ADGRD2: variants seen among roughly 807,000 people sequenced by gnomAD.
ADGRD2 encodes adhesion G protein-coupled receptor D2.
A neutral mutation model predicts 44.4 loss-of-function variants in ADGRD2; 71 were observed. The observed-to-expected ratio is 1.60, with a 90% CI of 1.32 to 1.95. The LOEUF is 1.95. ADGRD2 is among the 30% of genes most tolerant of loss of function. ADGRD2 has a pLI of 0.00. For synonymous variants in ADGRD2, 481 were observed against 224.8 expected, an observed-to-expected ratio of 2.14 and a Z score of -10.19; for missense variants, 1,039 against 512.4, an observed-to-expected ratio of 2.03 and a Z score of -9.92.
chr9:124,475,398 A>C (rs1743384680), intron 17 of ADGRD2, 48 bp from the exon 21 acceptor site: 1 of 693,326 alleles, frequency 1.4e-6, no homozygotes, highest in Non-Finnish European at 2.7e-6. Context: ...GCTGTGGGGG[A>C]TGGGGTAGGA....
At chr9:124,470,501 G>A in exon 17 of ADGRD2, 1 of 710,588 alleles carries the variant, frequency 1.4e-6, no homozygotes, top group South Asian at 1.5e-5. Flanking sequence ...CAGGGCCACG[G>A]TGAAGCCCGT....
chr9:124,457,247 T>G (rs894504642), intron 7 of ADGRD2, among the ~76,000 whole-genome samples: 1 of 152,216 alleles, frequency 6.6e-6, no homozygotes, highest in Middle Eastern at 3.2e-3. Context: ...CTCATCAATA[T>G]TCAGGTCCTG....
chr9:124,453,109 C>T (rs984775741), exon 3 of ADGRD2: 3 of 700,718 alleles, frequency 4.3e-6, no homozygotes, highest in Non-Finnish European at 7.8e-6. Context: ...GAGCCCTCTG[C>T]CTGAGCTGGC....
In ADGRD2 at chr9:124,468,026, C is replaced by G. The variant is rs542613783; in HGVS notation, c.2131-62C>G. ...GCACAGGGGATCGGGCAGGACAGGG[C>G]CCTACGGGGTGTGGGGACCAGCAGT... On this transcript the variant is annotated intron_variant, in intron 12 of 21. Coordinates refer to ENST00000334810, the Ensembl canonical transcript of ADGRD2. 20 of 717,754 alleles carry G rather than the reference C, an allele frequency of 2.8e-5. No homozygotes were observed. The African/African-American group carries it at 3.5e-4, about 13-fold the overall frequency. The allele number at this position is 717,754 out of a possible 1,614,324, so 44.5% of individuals were successfully genotyped here.
In ADGRD2 at chr9:124,453,057, GGT is replaced by G. The variant is rs1299327203; in HGVS notation, c.307_308del (p.Phe104ArgfsTer6). ...CAGGTGCGCGCACCACCGCCGTGCTGGTGTTCGACGAGAGGACGGCTGACCGG... is the reference window on the plus strand; with the variant it reads ...CAGGTGCGCGCACCACCGCCGTGCTGGTTCGACGAGAGGACGGCTGACCGG... On this transcript the variant is annotated frameshift_variant, in exon 3 of 22. Coordinates refer to ENST00000334810, the Ensembl canonical transcript of ADGRD2. LOFTEE classifies it high-confidence loss of function. The G allele has an allele frequency of 1.5e-6, 1 of 675,638 alleles. No homozygotes were observed. The highest frequency in any genetic ancestry group is 2.7e-6 in the Non-Finnish European group (1 of 374,212). 41.9% of individuals were successfully genotyped at this position (675,638 alleles called of 1,614,324 possible).
chr9:124,475,650 G>A, intron 19 of ADGRD2, 35 bp downstream of exon 22: 1 of 562,978 alleles, frequency 1.8e-6, no homozygotes, highest in Admixed American at 3.0e-5. Context: ...GTGGGGGCGG[G>A]AGGCCCCCAG....
intron 1 of ADGRD2, 177 bp downstream of exon 4, chr9:124,452,331 T>G: frequency 1.6e-6 from 1 of 640,018 alleles, no homozygotes; most frequent in Non-Finnish European, 2.9e-6. Context: ...TTCCTGCCAT[T>G]GCGCAGATGA....
intron 10 of ADGRD2, among the ~76,000 whole-genome samples, chr9:124,462,185 G>C (rs1345815786): frequency 6.6e-6 from 1 of 151,826 alleles, no homozygotes; most frequent in African/African-American, 2.4e-5. Context: ...CTCAGCCCCA[G>C]CCCCTCAAGT....
In ADGRD2 at chr9:124,469,374, G is replaced by A. The variant is rs969884402; in HGVS notation, c.2521+19G>A. On this transcript the variant is annotated intron_variant, in intron 15 of 21. Transcript: ENST00000334810. The stretch of plus-strand genomic sequence containing the variant: ...GCTGACTGTGAGCTGGGGACCTGCA[G>A]GGGAGGGGCGTGTTGGGGATGGGGA... 3 of 718,218 alleles carry A rather than the reference G, an allele frequency of 4.2e-6. No homozygotes were observed. The African/African-American group carries it at 5.2e-5, about 13-fold the overall frequency. The allele number at this position is 718,218 out of a possible 1,614,324, so 44.5% of individuals were successfully genotyped here.
At chr9:124,475,740 A>G in intron 19 of ADGRD2, 125 bp downstream of exon 22, 1 of 552,416 alleles carries the variant, frequency 1.8e-6, no homozygotes, top group South Asian at 2.3e-5. Context: ...TGAGGCCCCC[A>G]GGCCCCTGGG....
chr9:124,453,140 A>C (rs1183499057), exon 3 of ADGRD2: 19 of 701,696 alleles, frequency 2.7e-5, no homozygotes, highest in Middle Eastern at 2.7e-4. Flanking sequence ...GCGTGTACTC[A>C]CGTGCAGTGG....
exon 3 of ADGRD2, chr9:124,453,243 G>T: frequency 1.8e-6 from 1 of 564,834 alleles, no homozygotes; most frequent in Admixed American, 3.7e-5. Context: ...CCGAGCCGGG[G>T]GGCGTCGTGC....
chr9:124,470,429 C>T (rs1269739009), intron 16 of ADGRD2, 65 bp from the exon 20 acceptor site: 5 of 679,432 alleles, frequency 7.4e-6, no homozygotes, highest in Non-Finnish European at 1.4e-5. Context: ...GCTGCTCTCC[C>T]TGGAGCCCTG....
upstream of ADGRD2, chr9:124,451,085 G>T (rs1453740262): frequency 2.1e-6 from 1 of 472,132 alleles, no homozygotes; most frequent in Non-Finnish European, 4.4e-6. Flanking sequence ...GAGAGACTGG[G>T]AGGCAGTCCA....
At chr9:124,476,973 C>T (rs1398180523) in intron 21 of ADGRD2, 1 of 685,878 alleles carries the variant, frequency 1.5e-6, no homozygotes, top group Non-Finnish European at 2.7e-6. Context: ...ACCTGCCTCC[C>T]TCTGTCCTCC....
At chr9:124,451,121 G>A (rs1047619282), upstream of ADGRD2, 1 of 472,224 alleles carries the variant, frequency 2.1e-6, no homozygotes, top group African/African-American at 2.0e-5. Flanking sequence ...ATGGTCACAG[G>A]TCCAGAGGAG....
chr9:124,467,025 C>T (rs752406483), intron 11 of ADGRD2: 2 of 152,526 alleles, frequency 1.3e-5, no homozygotes, highest in Non-Finnish European at 2.9e-5. Context: ...AACATGTTAC[C>T]AAATGCATTT....
At chr9:124,476,638 A>G in intron 20 of ADGRD2, 41 bp from the exon 24 acceptor site, 1 of 692,010 alleles carries the variant, frequency 1.4e-6, no homozygotes, top group Non-Finnish European at 2.6e-6. Flanking sequence ...GGGCAGCAGA[A>G]GGAGTGGGGG....
Position 124,470,494 on chromosome 9 carries a change from G to A in ADGRD2, c.2640G>A (p.Trp880Ter). The A allele has an allele frequency of 1.4e-6, 1 of 710,014 alleles. No individual in the cohort carries two copies. The allele number at this position is 710,014 out of a possible 1,614,324, so 44.0% of individuals were successfully genotyped here. A position where few individuals can be genotyped will look rare whatever the true frequency, so the allele number is the denominator to read the frequency against. Reference sequence around the variant, plus strand: ...GTCAGCCCTGCCTGCCCTCCTACAGGGCCACGGTGAAGCCCGTGCTGGTCC... The same window carrying A: ...GTCAGCCCTGCCTGCCCTCCTACAGAGCCACGGTGAAGCCCGTGCTGGTCC... Residue 880 changes from tryptophan to a stop codon, truncating the protein, a stop_gained and splice_region_variant, in exon 17 of 22, where the codon TGG (tryptophan) becomes TGA (stop). Coordinates refer to ENST00000334810, the Ensembl canonical transcript of ADGRD2. LOFTEE classifies it high-confidence loss of function.
Sources: allele counts gnomAD v4.1 joint callset (sites outside exome capture counted in the v4.1 genomes callset), GRCh38; gene constraint gnomAD v4.1.1; transcripts MANE v1.5; gene names NCBI Gene and HGNC (gene_info 2026-07-23, HGNC 2026-07-21).